The following MSH4 variants were observed in gnomAD, a reference collection of about 807,000 sequenced individuals.
MSH4 encodes the protein mutS protein homolog 4.
MSH4 carries 106 observed loss-of-function variants against 113.7 expected under a neutral mutation model. The ratio of observed to expected loss-of-function variants is 0.93; its 90% CI spans 0.80 to 1.10. MSH4 has a LOEUF of 1.10. Among genes scored for constraint, MSH4 ranks in the 50% least tolerant of loss-of-function variants. The pLI, the probability that MSH4 is intolerant of heterozygous loss-of-function variation, is 0.00. For synonymous variants in MSH4, 368 were observed against 380.2 expected (o/e 0.97, Z 0.37); for missense variants, 1,061 against 1,093.7 (o/e 0.97, Z 0.42).
intron 9 of MSH4, among the ~76,000 whole-genome samples, chr1:75,868,045 G>A (rs1160610038): frequency 6.6e-6 from 1 of 151,998 alleles, no homozygotes; most frequent in East Asian, 1.9e-4. Flanking sequence ...CTCCTTTGAA[G>A]TGGAGAAGTT....
Position 75,907,689 on chromosome 1 carries a change from C to CATAT in MSH4, c.2620-4980_2620-4977dup, listed in dbSNP as rs71071973. Among the ~76,000 whole-genome samples the CATAT allele has an allele frequency of 3.4e-3, 267 of 78,606 alleles. 10 individuals are homozygous for CATAT. The highest frequency in any genetic ancestry group is 0.011 in the African/African-American group (194 of 17,084). 51.6% of individuals were successfully genotyped at this position (78,606 alleles called of 152,430 possible). On this transcript the variant is annotated intron_variant, in intron 19 of 19. Coordinates refer to ENST00000263187, the MANE Select transcript of MSH4 (RefSeq NM_002440.4). ...CTCTCTCTCTCTCTCTCTCTCTATA[C>CATAT]ATATATATATATATATATATATATA...
intron 7 of MSH4, among the ~76,000 whole-genome samples, chr1:75,832,553 C>T (rs1011147681): frequency 2.0e-5 from 3 of 152,088 alleles, no homozygotes; most frequent in African/African-American, 4.8e-5. Context: ...ACTGGCAAAC[C>T]GAATCCAGCA....
At chr1:75,825,669 T>A (rs1393513688) in intron 7 of MSH4, among the ~76,000 whole-genome samples, 1 of 152,076 alleles carries the variant, frequency 6.6e-6, no homozygotes, top group Non-Finnish European at 1.5e-5. Flanking sequence ...AGTTTTTTAG[T>A]ATGAAGGGTG....
At chr1:75,857,569 C>G (rs968946110) in intron 8 of MSH4, among the ~76,000 whole-genome samples, 5 of 152,074 alleles carry the variant, frequency 3.3e-5, no homozygotes, top group African/African-American at 1.2e-4. Flanking sequence ...GCTTGTATGT[C>G]TCAGGTTTGT....
intron 7 of MSH4, among the ~76,000 whole-genome samples, chr1:75,844,479 A>G (rs537869014): frequency 3.3e-5 from 5 of 152,182 alleles, no homozygotes; most frequent in Admixed American, 3.3e-4. Context: ...GGTGGGCACC[A>G]TCCCACATGG....
chr1:75,819,513 A>G (rs1650362246), intron 6 of MSH4, among the ~76,000 whole-genome samples: 1 of 152,174 alleles, frequency 6.6e-6, no homozygotes, highest in African/African-American at 2.4e-5. Flanking sequence ...ATAAAAAGTT[A>G]TTGGCAATCG....
chr1:75,880,222 T>A, intron 13 of MSH4, 69 bp downstream of exon 13: 1 of 800,318 alleles, frequency 1.2e-6, no homozygotes. Flanking sequence ...TACAATTGTA[T>A]TAGTTTAATT....
In MSH4 at chr1:75,882,097, AT is replaced by A. The variant is rs1651947115; in HGVS notation, c.1906+730del. On this transcript the variant is annotated intron_variant, in intron 14 of 19. Transcript: ENST00000263187. ...GGGATGTATCTTAAGATTTTTTCAT[AT>A]TTCTTATGGAAATATTAACTTTTTC... Among the ~76,000 whole-genome samples the A allele has an allele frequency of 3.3e-5, 5 of 152,158 alleles. No individual in the cohort carries two copies. In the South Asian group the frequency reaches 1.0e-3, roughly 31 times the overall value.
At position 75,878,166 on chromosome 1, in the gene MSH4, A is replaced by G. The variant is rs1033257072; in HGVS notation, c.1388A>G (p.Glu463Gly). The change falls in exon 11 of 20, where the codon GAA becomes GGA. Residue 463 changes from glutamate to glycine, a missense_variant. Physicochemically the swap from Glu to Gly is moderately conservative, Grantham distance 98. Transcript: ENST00000263187. ...LEDKRFGIILEKIKTVINDDA... is the reference protein window; with the variant it reads ...LEDKRFGIILGKIKTVINDDA... Reference sequence around the variant, plus strand: ...AATATTAGGTTTGGAATCATACTTGAAAAGATTAAAACAGTAATTAATGAT... The same window carrying G: ...AATATTAGGTTTGGAATCATACTTGGAAAGATTAAAACAGTAATTAATGAT... The G allele has an allele frequency of 1.3e-6, 2 of 1,598,778 alleles. No individual in the cohort carries two copies. Among genetic ancestry groups the G allele is most frequent in the African/African-American group, 2.7e-5 (2 of 74,206 alleles).
chr1:75,807,807 G>A (rs1217260261), intron 3 of MSH4, among the ~76,000 whole-genome samples: 1 of 152,168 alleles, frequency 6.6e-6, no homozygotes, highest in East Asian at 1.9e-4. Context: ...CAGAGGAGAT[G>A]AGTGGGTGAG....
rs373116898 is a variant in MSH4 at position 75,905,967 on chromosome 1, C to T, written c.2619+6261C>T. The stretch of plus-strand genomic sequence containing the variant: ...GTAGGTGAAGTGAGTTTCTAGTTAG[C>T]ATCATACAGTTAGATCTTATTTTAT... On this transcript the variant is annotated intron_variant, in intron 19 of 19. Coordinates refer to ENST00000263187, the MANE Select transcript of MSH4 (RefSeq NM_002440.4). Among the ~76,000 whole-genome samples, 14 of 151,884 alleles carry T rather than the reference C, an allele frequency of 9.2e-5. No homozygotes were observed. The East Asian group carries it at 1.9e-3, about 21-fold the overall frequency.
chr1:75,872,732 A>G (rs1329437019), intron 9 of MSH4, among the ~76,000 whole-genome samples: 6 of 152,226 alleles, frequency 3.9e-5, no homozygotes, highest in African/African-American at 1.4e-4. Flanking sequence ...GGAACTGTCA[A>G]TATTCAACAG....
intron 7 of MSH4, among the ~76,000 whole-genome samples, chr1:75,828,138 A>G (rs1234643184): frequency 6.6e-6 from 1 of 152,224 alleles, no homozygotes; most frequent in East Asian, 1.9e-4. Context: ...AATAGCTATT[A>G]TTAAAAAGTC....
At chr1:75,872,728 G>T (rs973713772) in intron 9 of MSH4, among the ~76,000 whole-genome samples, 28 of 152,130 alleles carry the variant, frequency 1.8e-4, no homozygotes, top group African/African-American at 6.5e-4. Context: ...GAAGGGAACT[G>T]TCAATATTCA....
intron 8 of MSH4, among the ~76,000 whole-genome samples, chr1:75,855,165 G>A (rs781194560): frequency 1.4e-4 from 21 of 152,112 alleles, no homozygotes; most frequent in Non-Finnish European, 2.6e-4. Flanking sequence ...AGCCGCCTGA[G>A]TAGCCAAGAC....
At chr1:75,828,498 T>A (rs1650605424) in intron 7 of MSH4, among the ~76,000 whole-genome samples, 1 of 152,196 alleles carries the variant, frequency 6.6e-6, no homozygotes, top group Admixed American at 6.5e-5. Flanking sequence ...GAAATCATGT[T>A]CTTTTTGGCA....
chr1:75,839,580 G>A (rs1650906975), intron 7 of MSH4, among the ~76,000 whole-genome samples: 1 of 152,098 alleles, frequency 6.6e-6, no homozygotes, highest in South Asian at 2.1e-4. Context: ...GGCAGAGTGG[G>A]AGGGTAATTT....
At chr1:75,895,936 G>A (rs1652370287) in intron 17 of MSH4, among the ~76,000 whole-genome samples, 2 of 152,114 alleles carry the variant, frequency 1.3e-5, no homozygotes, top group Admixed American at 1.3e-4. Flanking sequence ...AGTTTTATGT[G>A]TCAACTTGGC....
intron 7 of MSH4, among the ~76,000 whole-genome samples, chr1:75,845,022 C>G (rs922793260): frequency 2.6e-5 from 4 of 152,232 alleles, no homozygotes; most frequent in Non-Finnish European, 4.4e-5. Flanking sequence ...CCAGAATTTA[C>G]TTCCAGAACA....
Sources: allele counts gnomAD v4.1 joint callset (sites outside exome capture counted in the v4.1 genomes callset), GRCh38; gene constraint gnomAD v4.1.1; transcripts MANE v1.5; gene names NCBI Gene and HGNC (gene_info 2026-07-23, HGNC 2026-07-21).